SLC29A4: variants seen among roughly 807,000 people sequenced by gnomAD.
SLC29A4 encodes solute carrier family 29 member 4, also known as equilibrative nucleoside transporter 4.
A neutral mutation model predicts 43.9 loss-of-function variants in SLC29A4; 36 were observed. That is an observed-to-expected ratio of 0.82 (90% CI 0.63 to 1.08). The LOEUF is 1.08. Among genes scored for constraint, SLC29A4 ranks in the 50% least tolerant of loss-of-function variants. The pLI, the probability that SLC29A4 is intolerant of heterozygous loss-of-function variation, is 0.00. For synonymous variants in SLC29A4, 491 were observed against 338.0 expected, an observed-to-expected ratio of 1.45 and a Z score of -4.97; for missense variants, 869 against 755.3, an observed-to-expected ratio of 1.15 and a Z score of -1.77.
At chr7:5,285,067 C>G (rs746558894) in intron 1 of SLC29A4, among the ~76,000 whole-genome samples, 2 of 152,180 alleles carry the variant, frequency 1.3e-5, no homozygotes, top group Non-Finnish European at 1.5e-5. Flanking sequence ...GACACCATCC[C>G]CTTTCCTGGC....
chr7:5,291,646 C>T (rs764127550), intron 4 of SLC29A4, 47 bp from the exon 5 acceptor site: 22 of 1,539,560 alleles, frequency 1.4e-5, no homozygotes, highest in Admixed American at 9.2e-5. Flanking sequence ...AGGGGGACCC[C>T]ACCCAGTTGG....
chr7:5,290,769 C>T lies in SLC29A4; in HGVS notation c.207C>T (p.Ala69=). 1 of 1,613,976 alleles carries T rather than the reference C, an allele frequency of 6.2e-7. No homozygotes were observed. Among genetic ancestry groups the T allele is most frequent in the Non-Finnish European group, 8.5e-7 (1 of 1,179,888 alleles). ...DEPVPDDRYH[A]IYFAMLLAGV... The stretch of plus-strand genomic sequence containing the variant: ...CAGTGCCCGATGACCGTTATCACGC[C>T]ATCTACTTTGCGATGCTGCTGGCTG... Residue 69 remains alanine, a synonymous_variant, in exon 3 of 11, where the codon GCC becomes GCT. Coordinates refer to ENST00000396872, the MANE Select transcript of SLC29A4 (RefSeq NM_153247.4).
At chr7:5,294,137 C>G (rs1453970095) in intron 5 of SLC29A4, among the ~76,000 whole-genome samples, 1 of 151,982 alleles carries the variant, frequency 6.6e-6, no homozygotes, top group East Asian at 1.9e-4. Flanking sequence ...GACAAGATCT[C>G]ACTTTGTAGT....
intron 10 of SLC29A4, 73 bp from the exon 11 acceptor site, chr7:5,302,724 C>G: frequency 6.8e-7 from 1 of 1,461,220 alleles, no homozygotes; most frequent in South Asian, 1.3e-5. Context: ...GTCACCGCAC[C>G]TCACACCCGA....
intron 1 of SLC29A4, among the ~76,000 whole-genome samples, chr7:5,285,155 A>G (rs1403762295): frequency 1.3e-5 from 2 of 152,116 alleles, no homozygotes; most frequent in Non-Finnish European, 2.9e-5. Flanking sequence ...TCTTGAGCTC[A>G]GGCTCCTGTG....
rs1410307440 is a variant in SLC29A4, at chr7:5,300,716, C to G, written c.1450+54C>G. 2.5e-6 allele frequency: 4 copies of G among 1,580,416 alleles called. No homozygotes were observed. In the Admixed American group the frequency reaches 7.5e-5, roughly 29 times the overall value. ...GCGTCCTCCCAGCAGCGCAATGCCC[C>G]CCTCGCGAGGAAACCCAGGCTAGAC... On this transcript the variant is annotated intron_variant, in intron 10 of 10. Coordinates refer to ENST00000396872, the MANE Select transcript of SLC29A4 (RefSeq NM_153247.4).
chr7:5,300,346 G>C, intron 9 of SLC29A4, 76 bp from the exon 10 acceptor site: 1 of 1,601,506 alleles, frequency 6.2e-7, no homozygotes, highest in Non-Finnish European at 8.5e-7. Context: ...TGGGGATGTG[G>C]CTAGAGGCTG....
At chr7:5,298,048 G>A (rs1785841444) in intron 7 of SLC29A4, among the ~76,000 whole-genome samples, 3 of 152,220 alleles carry the variant, frequency 2.0e-5, no homozygotes, top group African/African-American at 7.2e-5. Context: ...GTGAGGTCAG[G>A]AGTGCCAGGC....
Position 5,306,197 on chromosome 7 carries a change from T to TTC in SLC29A4, c.*3259_*3260insCT, listed in dbSNP as rs1562462661. On this transcript the variant is annotated 3_prime_UTR_variant, in exon 11 of 11. Coordinates refer to ENST00000396872, the MANE Select transcript of SLC29A4 (RefSeq NM_153247.4). ...ATGTAAATTTGTTCAATTTCTTTTT[T>TTC]TTTTTTTTTTTTTTTTTTTGAGACA... 2 of 122,402 alleles carry TTC rather than the reference T, an allele frequency of 1.6e-5. No individual in the cohort carries two copies. The highest frequency in any genetic ancestry group is 6.0e-5 in the African/African-American group (2 of 33,584). 7.6% of individuals were successfully genotyped at this position (122,402 alleles called of 1,614,324 possible).
chr7:5,295,610 T>G (rs551258164), intron 6 of SLC29A4, among the ~76,000 whole-genome samples: 1 of 152,284 alleles, frequency 6.6e-6, no homozygotes, highest in South Asian at 2.1e-4. Flanking sequence ...TTCCCAATCT[T>G]CCTTCTGTGC....
intron 3 of SLC29A4, 92 bp downstream of exon 3, chr7:5,290,955 G>A (rs1011431175): frequency 2.7e-5 from 41 of 1,546,998 alleles, no homozygotes; most frequent in Non-Finnish European, 3.1e-5. Context: ...GGTCCTACAC[G>A]GGGACCTGTT....
chr7:5,292,306 A>T (rs1785359426), intron 5 of SLC29A4, among the ~76,000 whole-genome samples: 1 of 151,982 alleles, frequency 6.6e-6, no homozygotes, highest in African/African-American at 2.4e-5. Flanking sequence ...AGAGACGGGG[A>T]TCTCTCTGTG....
Position 5,284,038 on chromosome 7 carries a change from C to CA in SLC29A4, c.-9+956_-9+957insA, listed in dbSNP as rs958269182. 1.2e-4 allele frequency among the ~76,000 whole-genome samples: 13 copies of CA among 108,560 alleles called. 1 individual carries two copies. The highest frequency in any genetic ancestry group is 5.0e-4 in the Admixed American group (6 of 12,008). 71.2% of individuals were successfully genotyped at this position (108,560 alleles called of 152,430 possible). On this transcript the variant is annotated intron_variant, in intron 1 of 10. Transcript: ENST00000396872. ...CTCCAGTCTGAGCTGCACGACCCCC[C>CA]CCCCCACCCCCGACTTGGCCTCTCT...
chr7:5,302,971 G>T lies in SLC29A4; in HGVS notation c.*32G>T, dbSNP rs752568993. The T allele has an allele frequency of 1.9e-6, 3 of 1,590,828 alleles. No homozygotes were observed. In the East Asian group the frequency reaches 6.8e-5, roughly 36 times the overall value. The stretch of plus-strand genomic sequence containing the variant: ...CCCGCCCACTGCCAGGGACGCCGAG[G>T]GCCTGACCAGGGGCCCCGAGGCCTG... On this transcript the variant is annotated 3_prime_UTR_variant, in exon 11 of 11. Coordinates refer to ENST00000396872, the MANE Select transcript of SLC29A4 (RefSeq NM_153247.4).
chr7:5,297,984 A>T (rs1268578687), intron 7 of SLC29A4, among the ~76,000 whole-genome samples: 4 of 152,164 alleles, frequency 2.6e-5, no homozygotes. Flanking sequence ...GCAGCACTGC[A>T]CAGCCCCCCA....
Position 5,306,145 on chromosome 7 carries a change from A to G in SLC29A4, c.*3206A>G, listed in dbSNP as rs568688848. The G allele has an allele frequency of 6.7e-6, 1 of 148,288 alleles. No homozygotes were observed. Among genetic ancestry groups the G allele is most frequent in the Admixed American group, 6.7e-5 (1 of 14,818 alleles). 9.2% of individuals were successfully genotyped at this position (148,288 alleles called of 1,614,324 possible). A position where few individuals can be genotyped will look rare whatever the true frequency, so the allele number is the denominator to read the frequency against. ...ATTACAGGCGTGAGCCACCGTGCCC[A>G]TCCAACTTAACTTTTAATTTTTTCT... On this transcript the variant is annotated 3_prime_UTR_variant, in exon 11 of 11. Transcript: ENST00000396872.
chr7:5,298,716 C>T (rs534587198), intron 7 of SLC29A4, among the ~76,000 whole-genome samples: 1 of 152,114 alleles, frequency 6.6e-6, no homozygotes, highest in Non-Finnish European at 1.5e-5. Context: ...GGGAGGATTG[C>T]CTGAGCCCAG....
chr7:5,284,043 C>CCA (rs747634854), intron 1 of SLC29A4, among the ~76,000 whole-genome samples: 5 of 64,716 alleles, frequency 7.7e-5, no homozygotes, highest in African/African-American at 2.2e-4. Context: ...CCCCCCCCCC[C>CCA]ACCCCCGACT....
chr7:5,288,593 C>T (rs1310919178), intron 2 of SLC29A4, among the ~76,000 whole-genome samples: 1 of 152,102 alleles, frequency 6.6e-6, no homozygotes, highest in African/African-American at 2.4e-5. Flanking sequence ...CGCCCGTCCG[C>T]TGACCCATAA....
Sources: gnomAD v4.1 joint callset for allele counts (sites outside exome capture counted in the v4.1 genomes callset) on GRCh38, gnomAD v4.1.1 for gene constraint, MANE v1.5 for transcripts, NCBI Gene and HGNC (gene_info 2026-07-23, HGNC 2026-07-21) for gene names.